The following HTR4 variants were observed in gnomAD, a reference collection of about 807,000 sequenced individuals.
HTR4 encodes the protein 5-hydroxytryptamine receptor 4.
A neutral mutation model predicts 36.8 loss-of-function variants in HTR4; 16 were observed. The observed-to-expected ratio is 0.43, with a 90% CI of 0.29 to 0.66. The LOEUF (loss-of-function observed/expected upper bound fraction) is 0.66. HTR4 is among the 30% of genes least tolerant of loss of function. The probability of loss-of-function intolerance (pLI) is 0.13; values close to 1 mark genes in which losing one functional copy is unlikely to be tolerated. For missense variants in HTR4, 438 were observed against 490.9 expected, an observed-to-expected ratio of 0.89 and a Z score of 1.02; for synonymous variants, 189 against 185.1, an observed-to-expected ratio of 1.02 and a Z score of -0.17.
At chr5:148,596,473 C>A (rs539701103) in intron 2 of HTR4, among the ~76,000 whole-genome samples, 1 of 152,286 alleles carries the variant, frequency 6.6e-6, no homozygotes, top group Admixed American at 6.5e-5. Context: ...GTATTATCCC[C>A]CCATTCCCGT....
chr5:148,616,699 T>C (rs1365729271), intron 2 of HTR4, among the ~76,000 whole-genome samples: 10 of 152,210 alleles, frequency 6.6e-5, no homozygotes, highest in African/African-American at 2.4e-4. Flanking sequence ...TAATATAATA[T>C]AAATTAAGGC....
intron 4 of HTR4, among the ~76,000 whole-genome samples, chr5:148,532,876 G>C (rs1186420557): frequency 6.6e-6 from 1 of 152,178 alleles, no homozygotes; most frequent in Non-Finnish European, 1.5e-5. Context: ...TAGGTCTGGA[G>C]TGAGGCCCAA....
intron 4 of HTR4, among the ~76,000 whole-genome samples, chr5:148,548,451 G>T (rs1759494245): frequency 6.6e-6 from 1 of 152,092 alleles, no homozygotes; most frequent in Non-Finnish European, 1.5e-5. Context: ...ACAAGTTATA[G>T]GTCTTACTAA....
chr5:148,604,956 T>C (rs1752086824), intron 2 of HTR4, among the ~76,000 whole-genome samples: 1 of 152,196 alleles, frequency 6.6e-6, no homozygotes, highest in South Asian at 2.1e-4. Flanking sequence ...GCTGGCTACC[T>C]ATATACTAAA....
intron 6 of HTR4, 59 bp from the exon 7 acceptor site, chr5:148,483,352 C>G: frequency 6.9e-7 from 1 of 1,454,640 alleles, no homozygotes; most frequent in South Asian, 1.2e-5. Context: ...CAGATCATCT[C>G]CTGAAAGAGC....
rs926080244 is a variant in HTR4 at position 148,481,929 on chromosome 5, G to A, written c.*1274C>T. 2 of 1,110,980 alleles carry A rather than the reference G, an allele frequency of 1.8e-6. No homozygotes were observed. The highest frequency in any genetic ancestry group is 4.7e-5 in the Admixed American group (1 of 21,442). The allele number at this position is 1,110,980 out of a possible 1,614,324, so 68.8% of individuals were successfully genotyped here. ...CGTTCCTTTGAAACAAAGCCAAAAG[G>A]CAGGCAGGCCATGGCTTCTCGAGGT... On this transcript the variant is annotated 3_prime_UTR_variant, in exon 7 of 7. Transcript: ENST00000377888.
At chr5:148,563,897 CA>C (rs1164887480) in intron 2 of HTR4, among the ~76,000 whole-genome samples, 1 of 152,054 alleles carries the variant, frequency 6.6e-6, no homozygotes, top group Non-Finnish European at 1.5e-5. Context: ...CTATGGATAC[CA>C]AGGGACAAAT....
At chr5:148,462,869 T>G (rs917257957) in intron 5 of HTR4, among the ~76,000 whole-genome samples, 1 of 152,114 alleles carries the variant, frequency 6.6e-6, no homozygotes, top group Non-Finnish European at 1.5e-5. Context: ...GAAAATCAAT[T>G]AAGTAATCCA....
intron 4 of HTR4, among the ~76,000 whole-genome samples, chr5:148,545,026 A>T (rs1268678270): frequency 6.6e-6 from 1 of 152,224 alleles, no homozygotes; most frequent in Non-Finnish European, 1.5e-5. Context: ...GCTGAACCAA[A>T]CTGTTAGGAC....
intron 2 of HTR4, among the ~76,000 whole-genome samples, chr5:148,586,472 C>T (rs1162948495): frequency 6.6e-6 from 1 of 151,924 alleles, no homozygotes; most frequent in African/African-American, 2.4e-5. Context: ...ACACAAGGCA[C>T]TTCTTACATG....
At chr5:148,597,413 C>T (rs948630767) in intron 2 of HTR4, among the ~76,000 whole-genome samples, 2 of 152,138 alleles carry the variant, frequency 1.3e-5, no homozygotes, top group African/African-American at 4.8e-5. Context: ...ACCTTAGAAC[C>T]CAAGTTGAAA....
downstream of HTR4, among the ~76,000 whole-genome samples, chr5:148,477,623 T>C (rs922653426): frequency 1.2e-4 from 18 of 152,222 alleles, no homozygotes; most frequent in African/African-American, 4.3e-4. Context: ...AGGAAAATGA[T>C]ACTTACCTTA....
rs1269495345 is a variant in HTR4, at chr5:148,613,210, G to A, written c.26+23779C>T. On this transcript the variant is annotated intron_variant, in intron 2 of 6. Transcript: ENST00000377888. Reference sequence around the variant, plus strand: ...CCAGCATCATTCTGATATCAAAGCCGGGCAGAGACACAACCAAAAAAGAGA... The same window carrying A: ...CCAGCATCATTCTGATATCAAAGCCAGGCAGAGACACAACCAAAAAAGAGA... Among the ~76,000 whole-genome samples the A allele has an allele frequency of 7.6e-3, 1,150 of 150,330 alleles. 19 individuals are homozygous for A. The highest frequency in any genetic ancestry group is 0.027 in the African/African-American group (1,090 of 40,484).
chr5:148,515,987 T>TAC (rs1757730810), intron 5 of HTR4, among the ~76,000 whole-genome samples: 1 of 149,642 alleles, frequency 6.7e-6, no homozygotes, highest in Non-Finnish European at 1.5e-5. Flanking sequence ...ATATGTAACA[T>TAC]ATATATATAT....
chr5:148,627,982 T>C (rs1449734640), intron 2 of HTR4, among the ~76,000 whole-genome samples: 2 of 152,230 alleles, frequency 1.3e-5, no homozygotes, highest in Non-Finnish European at 1.5e-5. Context: ...CTGTACGCTG[T>C]GGCTATGAAA....
intron 2 of HTR4, among the ~76,000 whole-genome samples, chr5:148,617,773 A>T (rs1752760695): frequency 6.6e-6 from 1 of 152,076 alleles, no homozygotes; most frequent in South Asian, 2.1e-4. Flanking sequence ...AGCCTAACCT[A>T]GTCAAGTCTC....
Position 148,527,713 on chromosome 5 carries a change from C to T in HTR4, c.354-4367G>A, listed in dbSNP as rs118161996. ...CACTGCAACCTCCGCCTCCCAGGCT[C>T]AATTGATTCAGCTGCCTAGCTTCCT... is the stretch of plus-strand genomic sequence containing the variant. On this transcript the variant is annotated intron_variant, in intron 4 of 6. Transcript: ENST00000377888. Among the ~76,000 whole-genome samples, 365 of 152,190 alleles carry T rather than the reference C, an allele frequency of 2.4e-3. 12 individuals carry two copies. The East Asian group carries it at 0.04, about 17-fold the overall frequency.
chr5:148,507,177 T>A lies in HTR4; in HGVS notation c.1076+2279A>T, dbSNP rs1233748702. 2.0e-5 allele frequency among the ~76,000 whole-genome samples: 3 copies of A among 151,924 alleles called. 1 individual carries two copies. In the East Asian group the frequency reaches 5.8e-4, roughly 29 times the overall value. On this transcript the variant is annotated intron_variant, in intron 6 of 6. Transcript: ENST00000377888. ...AAGAAAATGTGGCACATATGCACCATGGAATACTATGCAGCCATAAAAAAG... is the reference window on the plus strand; with the variant it reads ...AAGAAAATGTGGCACATATGCACCAAGGAATACTATGCAGCCATAAAAAAG...
At chr5:148,547,519 A>AAAAAAT (rs1268824103) in intron 4 of HTR4, among the ~76,000 whole-genome samples, 6 of 133,392 alleles carry the variant, frequency 4.5e-5, no homozygotes, top group African/African-American at 1.1e-4. Flanking sequence ...ACTTGGTCTC[A>AAAAAAT]AAAAATAAAA....
Sources: gnomAD v4.1 joint callset for allele counts (sites outside exome capture counted in the v4.1 genomes callset) on GRCh38, gnomAD v4.1.1 for gene constraint, MANE v1.5 for transcripts, NCBI Gene and HGNC (gene_info 2026-07-23, HGNC 2026-07-21) for gene names.